Variants in SRSF1 observed in about 807,000 individuals in gnomAD.
The protein encoded by SRSF1 is serine/arginine-rich splicing factor 1.
In SRSF1, 1 loss-of-function variant was observed where a neutral mutation model predicts 25.9. That is an observed-to-expected ratio of 0.04 (90% CI 0.01 to 0.18). SRSF1 has a LOEUF of 0.18. Ranked by LOEUF, SRSF1 falls within the 10% of genes least tolerant of loss-of-function variation. The pLI, the probability that SRSF1 is intolerant of heterozygous loss-of-function variation, is 1.00. For missense variants in SRSF1, 65 were observed against 350.5 expected, an observed-to-expected ratio of 0.19 and a Z score of 6.50; for synonymous variants, 132 against 126.2, an observed-to-expected ratio of 1.05 and a Z score of -0.31.
Position 58,005,712 on chromosome 17 carries a change from A to T in SRSF1, c.552+89T>A, listed in dbSNP as rs2075422265. On this transcript the variant is annotated intron_variant, in intron 3 of 3. Coordinates refer to ENST00000258962, the MANE Select transcript of SRSF1 (RefSeq NM_006924.5). This position sits in a 1 kb window ranked among gnomAD's most constrained non-coding sequence, Gnocchi z 5.2. ...CAGAAATCTGGCAATTTACTTGGAC[A>T]ACCTTGCCTGAATCCTTACCTTGAA... 3 of 1,609,058 alleles carry T rather than the reference A, an allele frequency of 1.9e-6. No homozygotes were observed. Among genetic ancestry groups the T allele is most frequent in the Non-Finnish European group, 2.5e-6 (3 of 1,176,666 alleles).
In SRSF1 at chr17:58,003,781, A is replaced by T. The variant is rs553222634; in HGVS notation, c.*1625T>A. On this transcript the variant is annotated 3_prime_UTR_variant, in exon 4 of 4. Coordinates refer to ENST00000258962, the MANE Select transcript of SRSF1 (RefSeq NM_006924.5). ...ATCTTAAGGGCTCCAATCGTCAAAA[A>T]TAGGAAAAAAAAAATCTTTGGAATA... The T allele has an allele frequency of 1.3e-5, 2 of 152,744 alleles. No homozygotes were observed. Among genetic ancestry groups the T allele is most frequent in the East Asian group, 3.9e-4 (2 of 5,190 alleles). The allele number at this position is 152,744 out of a possible 1,614,324, so 9.5% of individuals were successfully genotyped here.
intron 1 of SRSF1, 142 bp from the exon 2 acceptor site, chr17:58,006,669 C>G: frequency 1.9e-6 from 2 of 1,031,992 alleles, no homozygotes; most frequent in Non-Finnish European, 2.7e-6. Context: ...GCCCCTCCCC[C>G]ACCCAGAAAC....
the SRSF1 span, chr17:57,992,373 A>G: frequency 6.6e-6 from 1 of 152,244 alleles, no homozygotes; most frequent in Non-Finnish European, 1.5e-5. Context: ...GTAATGGCTG[A>G]GCATGGAAAA....
At chr17:57,992,681 T>A in the SRSF1 span, 1 of 151,884 alleles carries the variant, frequency 6.6e-6, no homozygotes, top group Non-Finnish European at 1.5e-5. Flanking sequence ...TGCAAAAAAA[T>A]TTACTAATTG....
At position 58,005,517 on chromosome 17, in the gene SRSF1, A is replaced by T; in HGVS notation, c.636T>A (p.Arg212=). 6.2e-7 allele frequency: 1 copy of T among 1,614,200 alleles called. No individual in the cohort carries two copies. The change falls in exon 4 of 4, where the codon CGT becomes CGA. Residue 212 remains arginine, a synonymous_variant. Transcript: ENST00000258962. This position sits in a 1 kb window ranked among gnomAD's most constrained non-coding sequence, Gnocchi z 5.2. ...YGRSRSRSRS[R]SRSRSRSNSR... ...TGTTGCTTCTGCTACGGCTTCTGCT[A>T]CGACTACGGCTTCGAGATCGAGATC... is the stretch of plus-strand genomic sequence containing the variant.
the SRSF1 span, chr17:57,994,998 G>A: frequency 4.6e-5 from 7 of 152,210 alleles, no homozygotes; most frequent in Admixed American, 1.3e-4. Context: ...TACAAAGTGC[G>A]TAACGAGCAC....
the SRSF1 span, among the ~76,000 whole-genome samples, chr17:57,995,213 G>A: frequency 1.3e-5 from 2 of 152,242 alleles, no homozygotes; most frequent in Non-Finnish European, 1.5e-5. Flanking sequence ...AATTCCTAGA[G>A]TGGTTCATTT....
downstream of SRSF1, among the ~76,000 whole-genome samples, chr17:58,000,538 ATTG>A (rs1327189532): frequency 6.6e-6 from 1 of 152,162 alleles, no homozygotes; most frequent in Non-Finnish European, 1.5e-5. Context: ...ATGGGATATA[ATTG>A]TTGAGTCCAC....
chr17:57,996,052 AG>A (rs1388060344), downstream of SRSF1, among the ~76,000 whole-genome samples: 1 of 152,252 alleles, frequency 6.6e-6, no homozygotes, highest in South Asian at 2.1e-4. Flanking sequence ...ATCTGACTAA[AG>A]AACACAGTGT....
At chr17:57,995,452 G>C in the SRSF1 span, among the ~76,000 whole-genome samples, 2 of 152,240 alleles carry the variant, frequency 1.3e-5, no homozygotes, top group Non-Finnish European at 2.9e-5. Context: ...TTCTCTGAGA[G>C]AGCTGGCTGT....
chr17:58,001,217 G>A lies in SRSF1; in HGVS notation c.*4189C>T, dbSNP rs189215485. On this transcript the variant is annotated 3_prime_UTR_variant, in exon 4 of 4. Transcript: ENST00000258962. ...AAATCCACCTTGACCACAGAAATGT[G>A]AAAACACCAGCCCTAATGACCAAGA... 2.0e-5 allele frequency among the ~76,000 whole-genome samples: 3 copies of A among 152,174 alleles called. No homozygotes were observed. The highest frequency in any genetic ancestry group is 2.0e-4 in the Admixed American group (3 of 15,288).
the SRSF1 span, chr17:57,993,209 T>C: frequency 6.6e-6 from 1 of 152,168 alleles, no homozygotes; most frequent in African/African-American, 2.4e-5. Flanking sequence ...GCTAACACGG[T>C]GAAACCCTGT....
At chr17:57,995,007 A>C in the SRSF1 span, among the ~76,000 whole-genome samples, 2 of 152,226 alleles carry the variant, frequency 1.3e-5, no homozygotes, top group African/African-American at 2.4e-5. Flanking sequence ...CGTAACGAGC[A>C]CTGGGAAAGG....
the SRSF1 span, chr17:57,989,821 G>T: frequency 5.0e-6 from 2 of 398,484 alleles, no homozygotes; most frequent in South Asian, 1.3e-4. Flanking sequence ...GACAGAAAAT[G>T]ATGAAAGAGT....
downstream of SRSF1, among the ~76,000 whole-genome samples, chr17:58,000,656 C>T (rs2075383320): frequency 6.6e-6 from 1 of 152,070 alleles, no homozygotes. Flanking sequence ...AAAGGATTCA[C>T]AATAACAGGT....
downstream of SRSF1, among the ~76,000 whole-genome samples, chr17:57,999,143 A>G (rs758416532): frequency 2.0e-5 from 3 of 152,218 alleles, no homozygotes; most frequent in Non-Finnish European, 2.9e-5. Context: ...AAAATAGAAA[A>G]CAGCTAAGCT....
intron 1 of SRSF1, 101 bp from the exon 2 acceptor site, chr17:58,006,628 A>G: frequency 7.4e-7 from 1 of 1,354,216 alleles, no homozygotes; most frequent in Non-Finnish European, 1.0e-6. Context: ...CCCAACGTGG[A>G]AGAGCCCACA....
chr17:57,995,435 C>T, the SRSF1 span, among the ~76,000 whole-genome samples: 1 of 152,170 alleles, frequency 6.6e-6, no homozygotes, highest in South Asian at 2.1e-4. Flanking sequence ...CAAAAGAGGG[C>T]CAGGGCTTCT....
downstream of SRSF1, among the ~76,000 whole-genome samples, chr17:57,996,483 TAAAAAAAA>T (rs10677825): frequency 2.8e-5 from 2 of 72,376 alleles, no homozygotes; most frequent in South Asian, 1.2e-3. Flanking sequence ...GACACTGTCT[TAAAAAAAA>T]AAAAAAAAAA....
Sources: allele counts gnomAD v4.1 joint callset (sites outside exome capture counted in the v4.1 genomes callset), GRCh38; gene constraint gnomAD v4.1.1; non-coding constraint Gnocchi (gnomAD v3.1); transcripts MANE v1.5; gene names NCBI Gene and HGNC (gene_info 2026-07-23, HGNC 2026-07-21).